The following NALCN variants were observed in gnomAD, a reference collection of about 807,000 sequenced individuals.
NALCN encodes sodium leak channel, non-selective.
A neutral mutation model predicts 225.3 loss-of-function variants in NALCN; 111 were observed. The observed-to-expected ratio is 0.49, with a 90% CI of 0.42 to 0.58. The LOEUF (loss-of-function observed/expected upper bound fraction) is 0.58. Among genes scored for constraint, NALCN ranks in the 20% least tolerant of loss-of-function variants. The probability of loss-of-function intolerance (pLI) is 0.00; values close to 1 mark genes in which losing one functional copy is unlikely to be tolerated. For missense variants in NALCN, 1,378 were observed against 2,202.4 expected, an observed-to-expected ratio of 0.63 and a Z score of 7.49; for synonymous variants, 764 against 769.0, an observed-to-expected ratio of 0.99 and a Z score of 0.11.
intron 6 of NALCN, among the ~76,000 whole-genome samples, chr13:101,371,024 C>A (rs978772314): frequency 2.0e-5 from 3 of 152,124 alleles, no homozygotes; most frequent in Admixed American, 2.0e-4. Context: ...CTTTTTAAAT[C>A]TGGCTTTATT....
rs113312320 is a variant in NALCN, at chr13:101,280,291, A to G, written c.1134+3642T>C. Among the ~76,000 whole-genome samples, 1,250 of 152,240 alleles carry G rather than the reference A, an allele frequency of 8.2e-3. 15 individuals carry two copies. Among genetic ancestry groups the G allele is most frequent in the African/African-American group, 0.029 (1,185 of 41,518 alleles). ...CTGACCCCTTTCCCCCCAGTTTCTA[A>G]GCATATGAGTCACATTCATAAGATG... On this transcript the variant is annotated intron_variant, in intron 10 of 43. Coordinates refer to ENST00000251127, the MANE Select transcript of NALCN (RefSeq NM_052867.4).
intron 2 of NALCN, among the ~76,000 whole-genome samples, chr13:101,395,595 C>A (rs2047269032): frequency 6.6e-6 from 1 of 152,162 alleles, no homozygotes; most frequent in African/African-American, 2.4e-5. Context: ...CACACTAAGA[C>A]AGAAAGGTGG....
chr13:101,105,905 T>G (rs955508935), intron 22 of NALCN, among the ~76,000 whole-genome samples: 3 of 152,206 alleles, frequency 2.0e-5, no homozygotes, highest in African/African-American at 7.2e-5. Flanking sequence ...GAGTGGTCCC[T>G]GAGGTCTCTT....
At chr13:101,147,358 T>G (rs1056076067) in intron 15 of NALCN, among the ~76,000 whole-genome samples, 1 of 141,402 alleles carries the variant, frequency 7.1e-6, no homozygotes, top group Non-Finnish European at 1.5e-5. Context: ...CTCTCTCTTT[T>G]TTTTTTTTTT....
At chr13:101,300,232 G>C (rs1487775611) in intron 7 of NALCN, among the ~76,000 whole-genome samples, 5 of 152,116 alleles carry the variant, frequency 3.3e-5, no homozygotes, top group Non-Finnish European at 5.9e-5. Flanking sequence ...TTGGGAGGAT[G>C]TTACCATCCT....
At chr13:101,309,645 A>G (rs2044271234) in intron 7 of NALCN, among the ~76,000 whole-genome samples, 1 of 152,208 alleles carries the variant, frequency 6.6e-6, no homozygotes, top group Admixed American at 6.5e-5. Context: ...CATGTAACCA[A>G]GCTTTTGCAA....
At chr13:101,328,523 G>T (rs2045045644) in intron 7 of NALCN, among the ~76,000 whole-genome samples, 1 of 152,102 alleles carries the variant, frequency 6.6e-6, no homozygotes, top group Admixed American at 6.6e-5. Context: ...TGAGTGTTTT[G>T]CCAGACTAAA....
rs1393356481 is a variant in NALCN at position 101,075,906 on chromosome 13, A to G, written c.3921T>C (p.Ile1307=). Residue 1307 remains isoleucine, a synonymous_variant, in exon 35 of 44, where the codon ATT becomes ATC. Coordinates refer to ENST00000251127, the MANE Select transcript of NALCN (RefSeq NM_052867.4). The part of the protein sequence containing the change: ...AYTYMMGACV[I]VFRFFSICGK... ...CACAGATGGAGAAAAACCTAAATAC[A>G]ATCACACAAGCGCCCATCATGTAAG... is the stretch of plus-strand genomic sequence containing the variant. 5.0e-6 allele frequency: 8 copies of G among 1,611,172 alleles called. No individual in the cohort carries two copies. Among genetic ancestry groups the G allele is most frequent in the Non-Finnish European group, 6.8e-6 (8 of 1,179,032 alleles).
At position 101,297,431 on chromosome 13, in the gene NALCN, A is replaced by G. The variant is rs551495938; in HGVS notation, c.800-5065T>C. Among the ~76,000 whole-genome samples the G allele has an allele frequency of 7.9e-5, 12 of 152,306 alleles. No individual in the cohort carries two copies. In the South Asian group the frequency reaches 2.5e-3, roughly 32 times the overall value. On this transcript the variant is annotated intron_variant, in intron 7 of 43. Transcript: ENST00000251127. Reference sequence around the variant, plus strand: ...ATTTTTAAAAGAACAAAGAGGATTTATTTTATGACCATCCATTTCTTTCTC... The same window carrying G: ...ATTTTTAAAAGAACAAAGAGGATTTGTTTTATGACCATCCATTTCTTTCTC...
chr13:101,416,069 C>T (rs1012853123), intron 1 of NALCN, among the ~76,000 whole-genome samples: 1 of 151,952 alleles, frequency 6.6e-6, no homozygotes, highest in Admixed American at 6.5e-5. Flanking sequence ...GGCTCCCGCG[C>T]CCCGGCCAGG....
intron 3 of NALCN, among the ~76,000 whole-genome samples, chr13:101,393,983 G>A (rs900504290): frequency 1.3e-5 from 2 of 152,068 alleles, no homozygotes; most frequent in Admixed American, 6.5e-5. Context: ...TTTATCATAT[G>A]TAAAATATTA....
chr13:101,309,552 T>C (rs1272530048), intron 7 of NALCN, among the ~76,000 whole-genome samples: 2 of 152,228 alleles, frequency 1.3e-5, no homozygotes, highest in African/African-American at 4.8e-5. Context: ...TTTTGTCTAT[T>C]GGCAAATAAT....
At chr13:101,186,196 T>C (rs534617916) in intron 14 of NALCN, among the ~76,000 whole-genome samples, 1 of 152,376 alleles carries the variant, frequency 6.6e-6, no homozygotes, top group Non-Finnish European at 1.5e-5. Context: ...AGATGTTTAT[T>C]GATCACATAG....
intron 13 of NALCN, among the ~76,000 whole-genome samples, chr13:101,200,632 T>A (rs1294026696): frequency 2.0e-5 from 3 of 151,972 alleles, no homozygotes; most frequent in Non-Finnish European, 4.4e-5. Flanking sequence ...ACACTAGGCT[T>A]CCCACAGGGC....
chr13:101,229,430 A>G lies in NALCN; in HGVS notation c.1589T>C (p.Phe530Ser), dbSNP rs772806994. Residue 530 changes from phenylalanine to serine, a missense_variant, in exon 13 of 44, where the codon TTT becomes TCT. By Grantham distance (155) the Phe-to-Ser change is radical. This residue lies in a region of NALCN where 18 missense variants were observed against 18.0 expected (regional missense o/e 1.00). Transcript: ENST00000251127. ...AGTAAATCTGTCCAGTTCTTCGACA[A>G]AGCAGAACATCTGCAAACTAATTGC... The part of the protein sequence containing the change: ...MSAISLQMFC[F>S]VEELDRFTTF... 5 of 1,606,658 alleles carry G rather than the reference A, an allele frequency of 3.1e-6. No homozygotes were observed. The South Asian group carries it at 5.6e-5, about 18-fold the overall frequency.
chr13:101,261,153 GT>G (rs1333257361), intron 10 of NALCN, among the ~76,000 whole-genome samples: 1 of 152,152 alleles, frequency 6.6e-6, no homozygotes, highest in Non-Finnish European at 1.5e-5. Context: ...TGGCACCTTT[GT>G]TAAAAATGAG....
At chr13:101,312,875 T>C (rs2044401350) in intron 7 of NALCN, among the ~76,000 whole-genome samples, 1 of 152,090 alleles carries the variant, frequency 6.6e-6, no homozygotes, top group Admixed American at 6.6e-5. Flanking sequence ...CATCACCAAG[T>C]CAATCCTAAG....
chr13:101,251,320 G>A (rs2042055509), intron 11 of NALCN, among the ~76,000 whole-genome samples: 1 of 151,920 alleles, frequency 6.6e-6, no homozygotes, highest in South Asian at 2.1e-4. Context: ...AATGAGGATT[G>A]AAAAAGTGGC....
In NALCN at chr13:101,144,904, A is replaced by G; in HGVS notation, c.1840-8T>C. 6.3e-7 allele frequency: 1 copy of G among 1,597,196 alleles called. No homozygotes were observed. Among genetic ancestry groups the G allele is most frequent in the Non-Finnish European group, 8.5e-7 (1 of 1,175,826 alleles). On this transcript the variant is annotated splice_region_variant and splice_polypyrimidine_tract_variant and intron_variant, in intron 15 of 43. Transcript: ENST00000251127. ...TGCTTCACTTTGCTTTAACTAAAGAAAAATTGGAAAGAAGAAAAAAAGGGG... is the reference window on the plus strand; with the variant it reads ...TGCTTCACTTTGCTTTAACTAAAGAGAAATTGGAAAGAAGAAAAAAAGGGG...
Sources: gnomAD v4.1 joint callset for allele counts (sites outside exome capture counted in the v4.1 genomes callset) on GRCh38, gnomAD v4.1.1 for gene constraint, gnomAD v4.1.1 regional missense constraint, MANE v1.5 for transcripts, NCBI Gene and HGNC (gene_info 2026-07-23, HGNC 2026-07-21) for gene names.